The following STARD3 variants were observed in gnomAD, a reference collection of about 807,000 sequenced individuals.
STARD3 encodes StAR related lipid transfer domain containing 3, also known as stAR-related lipid transfer protein 3.
A neutral mutation model predicts 62.0 loss-of-function variants in STARD3; 39 were observed. That is an observed-to-expected ratio of 0.63 (90% CI 0.49 to 0.82). STARD3 has a LOEUF of 0.82. STARD3 is among the 40% of genes least tolerant of loss of function. The pLI, the probability that STARD3 is intolerant of heterozygous loss-of-function variation, is 0.00. For synonymous variants in STARD3, 229 were observed against 242.4 expected, an observed-to-expected ratio of 0.94 and a Z score of 0.51; for missense variants, 543 against 584.5, an observed-to-expected ratio of 0.93 and a Z score of 0.73.
chr17:39,660,614 GC>G lies in STARD3; in HGVS notation c.954+92del. 1 of 1,472,978 alleles carries G rather than the reference GC, an allele frequency of 6.8e-7. No individual in the cohort carries two copies. 91.2% of individuals were successfully genotyped at this position (1,472,978 alleles called of 1,614,324 possible). ...CACTGAAGCACTCAGCGCCTCAGCT[GC>G]CCCATCTGTACAGTGGGTGTGATGG... On this transcript the variant is annotated intron_variant, in intron 11 of 14. Coordinates refer to ENST00000336308, the MANE Select transcript of STARD3 (RefSeq NM_006804.4). This position sits in a 1 kb window ranked among gnomAD's most constrained non-coding sequence, Gnocchi z 4.8.
In STARD3 at chr17:39,658,764, T is replaced by C; in HGVS notation, c.590T>C (p.Leu197Pro). The change falls in exon 7 of 15, where the codon CTG (leucine) becomes CCG (proline). Residue 197 changes from leucine to proline, a missense_variant. Leu to Pro is a moderately conservative substitution (Grantham distance 98). Transcript: ENST00000336308. Reference sequence around the variant, plus strand: ...GTTGCTGTTGCCCGTGGACCCCTGCTGTTCTCCGGTGCTCTGTCCGAGGGA... The same window carrying C: ...GTTGCTGTTGCCCGTGGACCCCTGCCGTTCTCCGGTGCTCTGTCCGAGGGA... ...AQVAVARGPL[L>P]FSGALSEGQF... 1 of 1,614,044 alleles carries C rather than the reference T, an allele frequency of 6.2e-7. No homozygotes were observed. Among genetic ancestry groups the C allele is most frequent in the Non-Finnish European group, 8.5e-7 (1 of 1,179,994 alleles).
rs983910413 is a variant in STARD3 at position 39,653,692 on chromosome 17, G to A, written c.161G>A (p.Cys54Tyr). 6 of 1,614,212 alleles carry A rather than the reference G, an allele frequency of 3.7e-6. No individual in the cohort carries two copies. Among genetic ancestry groups the A allele is most frequent in the East Asian group, 2.2e-5 (1 of 44,890 alleles). The change falls in exon 2 of 15, where the codon TGT becomes TAT. Residue 54 changes from cysteine to tyrosine, a missense_variant. Physicochemically the swap from Cys to Tyr is radical, Grantham distance 194 (BLOSUM62 -2). Coordinates refer to ENST00000336308, the MANE Select transcript of STARD3 (RefSeq NM_006804.4). ...RAISDVRRTF[C>Y]LFVTFDLLFI... ...ATCTCTGATGTCCGCCGCACCTTCT[G>A]TCTCTTCGTCACCTTCGACCTGCTC... is the stretch of plus-strand genomic sequence containing the variant.
At chr17:39,644,722 T>C (rs1002474752) in intron 1 of STARD3, among the ~76,000 whole-genome samples, 1 of 149,940 alleles carries the variant, frequency 6.7e-6, no homozygotes, top group Non-Finnish European at 1.5e-5. Flanking sequence ...TAGCCTGGCA[T>C]GGTGGCATCT....
At chr17:39,659,407 A>C (rs2057169626) in intron 8 of STARD3, 54 bp from the exon 9 acceptor site, 2 of 1,544,498 alleles carry the variant, frequency 1.3e-6, no homozygotes, top group Non-Finnish European at 1.8e-6. Context: ...GGCCACGAAC[A>C]TGGTGGACTG....
chr17:39,653,274 A>G, intron 1 of STARD3: 1 of 563,314 alleles, frequency 1.8e-6, no homozygotes, highest in South Asian at 2.0e-5. Flanking sequence ...AGGGAGCACC[A>G]GGAAGGAGGA....
At chr17:39,647,944 A>G (rs1313167925) in intron 1 of STARD3, among the ~76,000 whole-genome samples, 1 of 152,142 alleles carries the variant, frequency 6.6e-6, no homozygotes, top group Non-Finnish European at 1.5e-5. Context: ...CAGGAGTTCA[A>G]GACCAGCCTG....
At chr17:39,654,381 G>A (rs762470656) in intron 2 of STARD3, among the ~76,000 whole-genome samples, 28 of 152,198 alleles carry the variant, frequency 1.8e-4, no homozygotes, top group Non-Finnish European at 3.8e-4. Flanking sequence ...CAGCCTGAGT[G>A]ACAGAGTGAG....
intron 1 of STARD3, among the ~76,000 whole-genome samples, chr17:39,637,859 C>T (rs562991922): frequency 6.6e-6 from 1 of 152,298 alleles, no homozygotes; most frequent in East Asian, 1.9e-4. Flanking sequence ...CCCAACCCCT[C>T]GCTCTGTACA....
At chr17:39,644,268 G>A (rs1336772475) in intron 1 of STARD3, among the ~76,000 whole-genome samples, 1 of 152,174 alleles carries the variant, frequency 6.6e-6, no homozygotes, top group Non-Finnish European at 1.5e-5. Flanking sequence ...TATGGAATAA[G>A]CTCTAGCTGG....
chr17:39,660,837 C>G lies in STARD3; in HGVS notation c.982C>G (p.Leu328Val). The change falls in exon 12 of 15, where the codon CTC (leucine) becomes GTC (valine). Residue 328 changes from leucine (L) to valine (V), a missense_variant. Physicochemically the swap from Leu to Val is conservative, Grantham distance 32. Coordinates refer to ENST00000336308, the MANE Select transcript of STARD3 (RefSeq NM_006804.4). This position sits in a 1 kb window ranked among gnomAD's most constrained non-coding sequence, Gnocchi z 4.8. ...QILQRVEDNT[L>V]ISYDVSAGAA... ...CCTGCAGCGAGTGGAAGACAACACC[C>G]TCATCTCCTATGACGTGTCTGCAGG... The G allele has an allele frequency of 1.3e-6, 2 of 1,596,178 alleles. No individual in the cohort carries two copies. Among genetic ancestry groups the G allele is most frequent in the African/African-American group, 2.7e-5 (2 of 74,614 alleles).
intron 1 of STARD3, among the ~76,000 whole-genome samples, chr17:39,647,885 C>T (rs2057041792): frequency 1.3e-5 from 2 of 152,176 alleles, no homozygotes; most frequent in Non-Finnish European, 2.9e-5. Context: ...TGGCTCATGC[C>T]TGTAATCCCA....
At chr17:39,662,443 T>A in intron 14 of STARD3, 99 bp downstream of exon 14, 1 of 1,179,344 alleles carries the variant, frequency 8.5e-7, no homozygotes, top group Non-Finnish European at 1.2e-6. Flanking sequence ...CTGCCATGCC[T>A]GGGCCTCCCC....
At chr17:39,661,915 C>G (rs967653449) in intron 13 of STARD3, among the ~76,000 whole-genome samples, 3 of 152,202 alleles carry the variant, frequency 2.0e-5, no homozygotes, top group Non-Finnish European at 2.9e-5. Context: ...AAGCGCCAGC[C>G]CAGCCTACTC....
intron 1 of STARD3, among the ~76,000 whole-genome samples, chr17:39,639,888 C>T (rs1409969299): frequency 1.3e-5 from 2 of 152,234 alleles, no homozygotes; most frequent in Non-Finnish European, 2.9e-5. Flanking sequence ...ATGGCCCCTC[C>T]TCCCTGTGGC....
intron 1 of STARD3, among the ~76,000 whole-genome samples, chr17:39,649,823 G>A (rs888896996): frequency 6.5e-5 from 9 of 137,930 alleles, no homozygotes; most frequent in Non-Finnish European, 1.1e-4. Context: ...CTGGGATCGC[G>A]CCACTGCACT....
rs746039755 is a variant in STARD3, at chr17:39,660,451, G to A, written c.879G>A (p.Ala293=). 5.0e-6 allele frequency: 8 copies of A among 1,613,916 alleles called. No homozygotes were observed. Among genetic ancestry groups the A allele is most frequent in the East Asian group, 2.2e-5 (1 of 44,866 alleles). ...CCCAGACCTTCCTGCCCTGTCCTGC[G>A]GAGCTCGTGTACCAGGAGGTGATCC... ...FILKTFLPCP[A]ELVYQEVILQ... The change falls in exon 11 of 15, where the codon GCG becomes GCA. Residue 293 remains alanine (A), a synonymous_variant. Coordinates refer to ENST00000336308, the MANE Select transcript of STARD3 (RefSeq NM_006804.4). The surrounding 1 kb of genome is among the most constrained non-coding windows in gnomAD (Gnocchi z 4.8).
intron 1 of STARD3, among the ~76,000 whole-genome samples, chr17:39,637,853 A>G (rs1011144219): frequency 6.6e-6 from 1 of 150,966 alleles, no homozygotes. Context: ...CTGTCGCCCA[A>G]CCCCTCGCTC....
At chr17:39,652,590 T>C (rs2057088380) in intron 1 of STARD3, 1 of 152,018 alleles carries the variant, frequency 6.6e-6, no homozygotes, top group South Asian at 2.1e-4. Context: ...ATTCCAGGCA[T>C]GGGGAGAGCC....
In STARD3 at chr17:39,653,551, A is replaced by T. The variant is rs1448124939; in HGVS notation, c.20A>T (p.Glu7Val). The change falls in exon 2 of 15, where the codon GAG becomes GTG. Residue 7 changes from glutamate (E) to valine (V), a missense_variant. Coordinates refer to ENST00000336308, the MANE Select transcript of STARD3 (RefSeq NM_006804.4). ...ACCAGGATGAGCAAGCTGCCCAGGG[A>T]GCTGACCCGAGACTTGGAGCGCAGC... MSKLPRELTRDLERSLP... is the reference protein window; with the variant it reads MSKLPRVLTRDLERSLP... 1.5e-5 allele frequency: 24 copies of T among 1,604,684 alleles called. No homozygotes were observed. The highest frequency in any genetic ancestry group is 2.0e-5 in the Non-Finnish European group (24 of 1,179,886).
Sources: gnomAD v4.1 joint callset for allele counts (sites outside exome capture counted in the v4.1 genomes callset) on GRCh38, gnomAD v4.1.1 for gene constraint, Gnocchi (gnomAD v3.1) non-coding constraint, MANE v1.5 for transcripts, NCBI Gene and HGNC (gene_info 2026-07-23, HGNC 2026-07-21) for gene names.